The following PENK variants were observed in gnomAD, a reference collection of about 807,000 sequenced individuals.
The protein encoded by PENK is proenkephalin-A.
In PENK, 25 loss-of-function variants were observed where a neutral mutation model predicts 24.1. That is an observed-to-expected ratio of 1.04 (90% CI 0.76 to 1.45). The LOEUF (loss-of-function observed/expected upper bound fraction) is 1.45, where lower values mean the gene tolerates loss of function less well. PENK is among the 40% of genes most tolerant of loss of function. The pLI is 0.00. For missense variants in PENK, 353 were observed against 337.9 expected, an observed-to-expected ratio of 1.04 and a Z score of -0.35; for synonymous variants, 135 against 130.3, an observed-to-expected ratio of 1.04 and a Z score of -0.24.
In PENK at chr8:56,441,752, TCCATACCTTTTCATGAAGCCC is replaced by T; in HGVS notation, c.303_323del (p.Arg106_Lys112del). 6.2e-7 allele frequency: 1 copy of T among 1,609,444 alleles called. No homozygotes were observed. Among genetic ancestry groups the T allele is most frequent in the African/African-American group, 1.4e-5 (1 of 71,002 alleles). Reference sequence around the variant, plus strand: ...GCTCATCCATTTTCTTCATGAAGCCTCCATACCTTTTCATGAAGCCCCCATACCTTTTGGCTAGCAAATGGC... The same window carrying T: ...GCTCATCCATTTTCTTCATGAAGCCTCCATACCTTTTGGCTAGCAAATGGC... On this transcript the variant is annotated inframe_deletion, in exon 4 of 4. Transcript: ENST00000451791.
chr8:56,442,948 A>C (rs894200947), intron 3 of PENK, among the ~76,000 whole-genome samples: 1 of 152,070 alleles, frequency 6.6e-6, no homozygotes, highest in Admixed American at 6.5e-5. Context: ...CATTTACAAA[A>C]CATGCATGAT....
intron 3 of PENK, 86 bp downstream of exon 3, chr8:56,445,730 C>A (rs751969004): frequency 1.9e-6 from 3 of 1,567,536 alleles, no homozygotes; most frequent in Admixed American, 1.7e-5. Flanking sequence ...CCATACGCGC[C>A]GCGCGGTGGG....
intron 3 of PENK, 112 bp downstream of exon 3, chr8:56,445,704 G>T: frequency 7.1e-7 from 1 of 1,417,192 alleles, no homozygotes; most frequent in Non-Finnish European, 1.0e-6. Flanking sequence ...CTGCGGCTCC[G>T]ACCCGGTGCG....
Position 56,441,228 on chromosome 8 carries a change from G to A in PENK, c.*44C>T, listed in dbSNP as rs1162875654. Reference sequence around the variant, plus strand: ...ATCAACAGTTTCCCACTGGAGGATGGAGGGAGGCTTGCTGGGGCCTGGGGC... The same window carrying A: ...ATCAACAGTTTCCCACTGGAGGATGAAGGGAGGCTTGCTGGGGCCTGGGGC... On this transcript the variant is annotated 3_prime_UTR_variant, in exon 4 of 4. Coordinates refer to ENST00000451791, the MANE Select transcript of PENK (RefSeq NM_001135690.3). 7.4e-7 allele frequency: 1 copy of A among 1,342,564 alleles called. No individual in the cohort carries two copies. The highest frequency in any genetic ancestry group is 1.0e-6 in the Non-Finnish European group (1 of 964,492). 83.2% of individuals were successfully genotyped at this position (1,342,564 alleles called of 1,614,324 possible). A position where few individuals can be genotyped will look rare whatever the true frequency, so the allele number is the denominator to read the frequency against.
intron 3 of PENK, chr8:56,445,418 A>ATCTC: frequency 2.2e-6 from 1 of 445,154 alleles, no homozygotes; most frequent in Admixed American, 3.7e-5. Context: ...CTGCGTGTGG[A>ATCTC]GGGGCCCTTA....
intron 3 of PENK, chr8:56,445,510 G>T: frequency 1.7e-6 from 1 of 598,882 alleles, no homozygotes; most frequent in Non-Finnish European, 3.0e-6. Context: ...CCGAGGTGCT[G>T]AACAGAGGAC....
intron 3 of PENK, among the ~76,000 whole-genome samples, chr8:56,444,388 C>G (rs1804614950): frequency 6.6e-6 from 1 of 152,186 alleles, no homozygotes; most frequent in Non-Finnish European, 1.5e-5. Context: ...GCAGGCAAAG[C>G]TCAAAATATG....
At position 56,441,075 on chromosome 8, in the gene PENK, T is replaced by C; in HGVS notation, c.*197A>G. On this transcript the variant is annotated 3_prime_UTR_variant, in exon 4 of 4. Coordinates refer to ENST00000451791, the MANE Select transcript of PENK (RefSeq NM_001135690.3). ...TAGCATGAAAACGAGATAGCTGCAA[T>C]AGACTAATACTGAGCTTAAAGACTC... The C allele has an allele frequency of 7.8e-6, 4 of 513,070 alleles. No homozygotes were observed. The highest frequency in any genetic ancestry group is 1.4e-5 in the Non-Finnish European group (4 of 290,200). The allele number at this position is 513,070 out of a possible 1,614,324, so 31.8% of individuals were successfully genotyped here.
intron 3 of PENK, chr8:56,444,111 T>C: frequency 1.8e-6 from 1 of 560,874 alleles, no homozygotes; most frequent in East Asian, 2.9e-5. Flanking sequence ...CAGTGAGCTC[T>C]GCTCAAGTTC....
chr8:56,445,655 G>C (rs1420366523), intron 3 of PENK, 161 bp downstream of exon 3: 2 of 849,682 alleles, frequency 2.4e-6, no homozygotes, highest in South Asian at 2.9e-5. Context: ...AGTGTTCCAG[G>C]AACAGCTGAG....
At chr8:56,445,611 C>A (rs999461551) in intron 3 of PENK, 2 of 662,630 alleles carry the variant, frequency 3.0e-6, no homozygotes, top group Admixed American at 2.4e-5. Context: ...AGTCGCGGAT[C>A]CCCGAAGCTA....
chr8:56,441,914 A>G lies in PENK; in HGVS notation c.162T>C (p.Gly54=), dbSNP rs1479362532. 5.0e-6 allele frequency: 8 copies of G among 1,613,158 alleles called. No homozygotes were observed. The East Asian group carries it at 1.3e-4, about 27-fold the overall frequency. Residue 54 remains glycine (G), a synonymous_variant, in exon 4 of 4, where the codon GGT becomes GGC. Transcript: ENST00000451791. ...CCCAAATTTTCAGAGAAGGCAGTTT[A>G]CCTTCACATTCCATTACGCAAGCCT... ...NFLACVMECE[G]KLPSLKIWET...
chr8:56,441,567 C>T lies in PENK; in HGVS notation c.509G>A (p.Ser170Asn), dbSNP rs1170563027. The change falls in exon 4 of 4, where the codon AGC (serine) becomes AAC (asparagine). Residue 170 changes from serine (S) to asparagine (N), a missense_variant. By Grantham distance (46) the Ser-to-Asn change is conservative (BLOSUM62 1). Transcript: ENST00000451791. ...LLETGDNRER[S>N]HHQDGSDNEE... ...ATTATCACTGCCATCCTGGTGGTGG[C>T]TACGCTCTCGGTTGTCCCCTGTTTC... is the stretch of plus-strand genomic sequence containing the variant. 1 of 1,613,884 alleles carries T rather than the reference C, an allele frequency of 6.2e-7. No homozygotes were observed. The highest frequency in any genetic ancestry group is 2.2e-5 in the East Asian group (1 of 44,868).
rs374805895 is a variant in PENK at position 56,445,984 on chromosome 8, G to C, written c.-3-28C>G. 1.6e-4 allele frequency: 241 copies of C among 1,533,956 alleles called. 1 individual carries two copies. In the African/African-American group the frequency reaches 3.5e-3, roughly 22 times the overall value. Reference sequence around the variant, plus strand: ...GCGAGGAGAGAGGGACGCGTGCTTCGAGCCTGCCTGGGCGCAGAACGGGGT... The same window carrying C: ...GCGAGGAGAGAGGGACGCGTGCTTCCAGCCTGCCTGGGCGCAGAACGGGGT... On this transcript the variant is annotated intron_variant, in intron 2 of 3. Coordinates refer to ENST00000451791, the MANE Select transcript of PENK (RefSeq NM_001135690.3).
chr8:56,445,819 G>A lies in PENK; in HGVS notation c.135C>T (p.Phe45=), dbSNP rs750089927. 3.8e-5 allele frequency: 62 copies of A among 1,613,332 alleles called. No individual in the cohort carries two copies. The highest frequency in any genetic ancestry group is 4.2e-5 in the Non-Finnish European group (50 of 1,179,930). ...ACTCGCCGCGCGCAACACTCACCAG[G>A]AAGTTGATGTCGGCCGGGCGCACTA... The part of the protein sequence containing the change: ...YRLVRPADIN[F]LACVMECEGK... The change falls in exon 3 of 4, where the codon TTC becomes TTT. Residue 45 remains phenylalanine (F), a synonymous_variant. Coordinates refer to ENST00000451791, the MANE Select transcript of PENK (RefSeq NM_001135690.3).
chr8:56,443,182 A>T (rs911350870), intron 3 of PENK, among the ~76,000 whole-genome samples: 3 of 152,230 alleles, frequency 2.0e-5, no homozygotes, highest in African/African-American at 7.2e-5. Flanking sequence ...ACTACGTAAG[A>T]ATCTAAAGAT....
chr8:56,444,523 G>A (rs1356006874), intron 3 of PENK, among the ~76,000 whole-genome samples: 1 of 152,164 alleles, frequency 6.6e-6, no homozygotes. Context: ...TATATTTGTA[G>A]CACTGGCTCA....
chr8:56,442,763 T>C (rs1250259710), intron 3 of PENK, among the ~76,000 whole-genome samples: 1 of 152,098 alleles, frequency 6.6e-6, no homozygotes, highest in African/African-American at 2.4e-5. Flanking sequence ...AAAAGTATTT[T>C]TCAATGGAAA....
In PENK at chr8:56,441,226, T is replaced by C. The variant is rs373566559; in HGVS notation, c.*46A>G. Reference sequence around the variant, plus strand: ...CCATCAACAGTTTCCCACTGGAGGATGGAGGGAGGCTTGCTGGGGCCTGGG... The same window carrying C: ...CCATCAACAGTTTCCCACTGGAGGACGGAGGGAGGCTTGCTGGGGCCTGGG... On this transcript the variant is annotated 3_prime_UTR_variant, in exon 4 of 4. Coordinates refer to ENST00000451791, the MANE Select transcript of PENK (RefSeq NM_001135690.3). 3 of 1,315,854 alleles carry C rather than the reference T, an allele frequency of 2.3e-6. No individual in the cohort carries two copies. The highest frequency in any genetic ancestry group is 3.2e-6 in the Non-Finnish European group (3 of 941,680). The allele number at this position is 1,315,854 out of a possible 1,614,324, so 81.5% of individuals were successfully genotyped here. A position where few individuals can be genotyped will look rare whatever the true frequency, so the allele number is the denominator to read the frequency against.
Sources: allele counts gnomAD v4.1 joint callset (sites outside exome capture counted in the v4.1 genomes callset), GRCh38; gene constraint gnomAD v4.1.1; transcripts MANE v1.5; gene names NCBI Gene and HGNC (gene_info 2026-07-23, HGNC 2026-07-21).